The following EXT2 variants were observed in gnomAD, a reference collection of about 807,000 sequenced individuals.
The protein encoded by EXT2 is exostosin glycosyltransferase 2, also known as exostosin-2.
Under a neutral mutation model 81.6 loss-of-function variants are expected in EXT2, and 53 were observed. That is an observed-to-expected ratio of 0.65 (90% CI 0.52 to 0.82). The LOEUF (loss-of-function observed/expected upper bound fraction) is 0.82, where lower values mean the gene tolerates loss of function less well. Among genes scored for constraint, EXT2 ranks in the 40% least tolerant of loss-of-function variants. EXT2 has a pLI of 0.00. For synonymous variants in EXT2, 320 were observed against 340.0 expected (o/e 0.94, Z 0.65); for missense variants, 774 against 910.2 (o/e 0.85, Z 1.93).
At chr11:44,213,766 T>C (rs538921483) in intron 10 of EXT2, among the ~76,000 whole-genome samples, 11 of 152,288 alleles carry the variant, frequency 7.2e-5, no homozygotes, top group African/African-American at 2.4e-4. Context: ...ATTTGTGTCA[T>C]TAGAATTTTA....
chr11:44,207,113 T>A (rs1955592844), intron 10 of EXT2, among the ~76,000 whole-genome samples, 154 bp downstream of exon 10: 1 of 152,224 alleles, frequency 6.6e-6, no homozygotes, highest in South Asian at 2.1e-4. Flanking sequence ...GAGTGTGGGT[T>A]ATGAAGCTGT....
chr11:44,154,144 C>T (rs931725223), intron 7 of EXT2, among the ~76,000 whole-genome samples: 18 of 151,946 alleles, frequency 1.2e-4, no homozygotes, highest in African/African-American at 3.6e-4. Flanking sequence ...GTGTTACAGA[C>T]GTTCCAACTA....
chr11:44,232,467 G>A lies in EXT2; in HGVS notation c.1777G>A (p.Val593Met), dbSNP rs1196840706. 1 of 1,614,036 alleles carries A rather than the reference G, an allele frequency of 6.2e-7. No homozygotes were observed. The highest frequency in any genetic ancestry group is 8.5e-7 in the Non-Finnish European group (1 of 1,179,952). The change falls in exon 11 of 14, where the codon GTG becomes ATG. Residue 593 changes from valine to methionine, a missense_variant. By Grantham distance (21) the Val-to-Met change is conservative (BLOSUM62 1). Coordinates refer to ENST00000533608, the MANE Select transcript of EXT2 (RefSeq NM_207122.2). ...ESEWTNEVSM[V>M]LTGAAFYHKY... ...TGAGTGGACGAATGAAGTGTCCATG[G>A]TGCTCACTGGGGCAGCTTTTTATCA...
intron 7 of EXT2, among the ~76,000 whole-genome samples, chr11:44,169,972 C>T (rs147390703): frequency 6.6e-6 from 1 of 152,076 alleles, no homozygotes; most frequent in Non-Finnish European, 1.5e-5. Flanking sequence ...CCACACAATC[C>T]ATAGGCACAC....
intron 8 of EXT2, 197 bp downstream of exon 8, chr11:44,171,939 C>A: frequency 1.4e-6 from 1 of 718,970 alleles, no homozygotes; most frequent in Non-Finnish European, 2.3e-6. Context: ...GAAGCAGCAG[C>A]TTCCAGTGTG....
chr11:44,236,227 G>T, intron 12 of EXT2, 66 bp from the exon 13 acceptor site: 1 of 1,401,246 alleles, frequency 7.1e-7, no homozygotes, highest in Non-Finnish European at 1.0e-6. Context: ...GCAGTGTGGT[G>T]TCACAAGCAT....
intron 3 of EXT2, among the ~76,000 whole-genome samples, chr11:44,111,044 G>A (rs1436595442): frequency 6.6e-6 from 1 of 152,174 alleles, no homozygotes; most frequent in Non-Finnish European, 1.5e-5. Context: ...GGTTTTACAG[G>A]AGCTGCATGT....
rs1311392202 is a variant in EXT2 at position 44,247,897 on chromosome 11, G to A, written c.*3610G>A. Among the ~76,000 whole-genome samples the A allele has an allele frequency of 6.6e-6, 1 of 152,224 alleles. No individual in the cohort carries two copies. Among genetic ancestry groups the A allele is most frequent in the African/African-American group, 2.4e-5 (1 of 41,450 alleles). On this transcript the variant is annotated 3_prime_UTR_variant, in exon 14 of 14. Coordinates refer to ENST00000533608, the MANE Select transcript of EXT2 (RefSeq NM_207122.2). ...CACGTTTCTAGCCACAGGTTCTGAA[G>A]TTGATTTGAGGTTAAAATCCAAGAA... is the stretch of plus-strand genomic sequence containing the variant.
At chr11:44,131,689 G>A (rs1350919546) in intron 7 of EXT2, among the ~76,000 whole-genome samples, 1 of 152,166 alleles carries the variant, frequency 6.6e-6, no homozygotes, top group East Asian at 1.9e-4. Flanking sequence ...CCTAAAACTT[G>A]TGTAGAAGAA....
rs1478689369 is a variant in EXT2 at position 44,097,747 on chromosome 11, A to G, written c.-31+1895A>G. 2.1e-5 allele frequency among the ~76,000 whole-genome samples: 3 copies of G among 143,818 alleles called. No homozygotes were observed. The East Asian group carries it at 6.1e-4, about 29-fold the overall frequency. 94.4% of individuals were successfully genotyped at this position (143,818 alleles called of 152,430 possible). Reference sequence around the variant, plus strand: ...GCACTCCAGCCTGAGTGACAGAGCAAGACTCCATCTCAAAAAATAAATAAA... The same window carrying G: ...GCACTCCAGCCTGAGTGACAGAGCAGGACTCCATCTCAAAAAATAAATAAA... On this transcript the variant is annotated intron_variant, in intron 1 of 13. Transcript: ENST00000533608.
At chr11:44,243,318 A>G (rs559841823) in intron 13 of EXT2, among the ~76,000 whole-genome samples, 3 of 152,254 alleles carry the variant, frequency 2.0e-5, no homozygotes, top group African/African-American at 7.2e-5. Flanking sequence ...TCCCGAACAC[A>G]TGCCTGACCT....
At chr11:44,123,900 A>G (rs528944827) in intron 4 of EXT2, among the ~76,000 whole-genome samples, 18 of 148,216 alleles carry the variant, frequency 1.2e-4, no homozygotes, top group African/African-American at 4.3e-4. Context: ...GGAGATCTGC[A>G]TGGCACTAGA....
chr11:44,112,046 G>A (rs2134978811), intron 3 of EXT2, among the ~76,000 whole-genome samples: 1 of 152,200 alleles, frequency 6.6e-6, no homozygotes, highest in Non-Finnish European at 1.5e-5. Context: ...CTGCTTTTTT[G>A]GGTTTTGTTT....
At chr11:44,232,284 T>TATCC in intron 10 of EXT2, 69 bp from the exon 11 acceptor site, 1 of 1,604,628 alleles carries the variant, frequency 6.2e-7, no homozygotes, top group Admixed American at 1.7e-5. Context: ...GATACCTGTT[T>TATCC]GGATAACTCA....
intron 8 of EXT2, among the ~76,000 whole-genome samples, chr11:44,195,845 G>T (rs1408910828): frequency 2.0e-5 from 3 of 152,174 alleles, no homozygotes; most frequent in African/African-American, 7.2e-5. Context: ...GAATATGAAT[G>T]TAATTAATGC....
chr11:44,223,711 C>T (rs1590660476), intron 10 of EXT2, among the ~76,000 whole-genome samples: 1 of 146,768 alleles, frequency 6.8e-6, no homozygotes, highest in East Asian at 2.0e-4. Flanking sequence ...AGTGTAGTGG[C>T]GTGATCTCCG....
intron 10 of EXT2, among the ~76,000 whole-genome samples, chr11:44,225,198 A>G (rs1564983710): frequency 6.6e-6 from 1 of 152,074 alleles, no homozygotes; most frequent in African/African-American, 2.4e-5. Context: ...ATTATCTCCC[A>G]AGAGATTCAT....
intron 7 of EXT2, among the ~76,000 whole-genome samples, chr11:44,134,367 A>G (rs1335844997): frequency 6.6e-6 from 1 of 152,194 alleles, no homozygotes; most frequent in Non-Finnish European, 1.5e-5. Context: ...TATGGGTATA[A>G]GCATAAAGAA....
chr11:44,212,105 G>A (rs1189271248), intron 10 of EXT2, among the ~76,000 whole-genome samples: 1 of 151,714 alleles, frequency 6.6e-6, no homozygotes, highest in African/African-American at 2.4e-5. Flanking sequence ...CCAACGTGAT[G>A]AAACCCCATC....
Sources: gnomAD v4.1 joint callset for allele counts (sites outside exome capture counted in the v4.1 genomes callset) on GRCh38, gnomAD v4.1.1 for gene constraint, MANE v1.5 for transcripts, NCBI Gene and HGNC (gene_info 2026-07-23, HGNC 2026-07-21) for gene names.